Variants in MIA3 observed in about 807,000 individuals in gnomAD.
The protein encoded by MIA3 is MIA SH3 domain ER export factor 3.
A neutral mutation model predicts 192.4 loss-of-function variants in MIA3; 90 were observed. The observed-to-expected ratio is 0.47, with a 90% CI of 0.39 to 0.56. MIA3 has a LOEUF of 0.56. MIA3 is among the 20% of genes least tolerant of loss of function. The pLI, the probability that MIA3 is intolerant of heterozygous loss-of-function variation, is 0.00. For missense variants in MIA3, 2,123 were observed against 2,269.4 expected, an observed-to-expected ratio of 0.94 and a Z score of 1.31; for synonymous variants, 740 against 792.8, an observed-to-expected ratio of 0.93 and a Z score of 1.12.
At chr1:222,622,760 G>A (rs551000066) in intron 2 of MIA3, among the ~76,000 whole-genome samples, 2 of 152,202 alleles carry the variant, frequency 1.3e-5, no homozygotes, top group South Asian at 2.1e-4. Context: ...TCATCTTTGA[G>A]CATTTGGATG....
In MIA3 at chr1:222,621,269, T is replaced by C. The variant is rs1661842680; in HGVS notation, c.244T>C (p.Trp82Arg). 6.2e-7 allele frequency: 1 copy of C among 1,605,536 alleles called. No individual in the cohort carries two copies. Among genetic ancestry groups the C allele is most frequent in the Non-Finnish European group, 8.5e-7 (1 of 1,177,978 alleles). ...VYVYYKLARG[W>R]PEVWAGSVGR... Reference sequence around the variant, plus strand: ...TGTTTACTATAAACTGGCAAGAGGATGGCCTGAAGTTTGGGCTGGAAGTGT... The same window carrying C: ...TGTTTACTATAAACTGGCAAGAGGACGGCCTGAAGTTTGGGCTGGAAGTGT... Residue 82 changes from tryptophan to arginine, a missense_variant, in exon 2 of 28, where the codon TGG (tryptophan) becomes CGG (arginine). Trp to Arg is a moderately radical substitution (Grantham distance 101). This residue lies in a region of MIA3 where 1,357 missense variants were observed against 1,396.1 expected (regional missense o/e 0.97). Transcript: ENST00000344922.
chr1:222,645,845 T>G (rs1663112150), intron 7 of MIA3, 160 bp downstream of exon 7: 1 of 627,550 alleles, frequency 1.6e-6, no homozygotes, highest in African/African-American at 1.9e-5. Flanking sequence ...TGTTGGTAAA[T>G]TCTTAAGTGA....
chr1:222,660,276 C>G lies in MIA3; in HGVS notation c.5075C>G (p.Ala1692Gly). The stretch of plus-strand genomic sequence containing the variant: ...GAGCCACCCGTGAGACCTCTCTCTG[C>G]TACTCTCAATCGAAGAGATATGCCT... ...TVEPPVRPLSATLNRRDMPRS... is the reference protein window; with the variant it reads ...TVEPPVRPLSGTLNRRDMPRS... Residue 1692 changes from alanine to glycine, a missense_variant, in exon 24 of 28, where the codon GCT (alanine) becomes GGT (glycine). Ala to Gly is a moderately conservative substitution (Grantham distance 60). This residue lies in a region of MIA3 where 762 missense variants were observed against 856.4 expected (regional missense o/e 0.89). Coordinates refer to ENST00000344922, the MANE Select transcript of MIA3 (RefSeq NM_198551.4). 6.2e-7 allele frequency: 1 copy of G among 1,613,980 alleles called. No homozygotes were observed. The highest frequency in any genetic ancestry group is 8.5e-7 in the Non-Finnish European group (1 of 1,179,870).
chr1:222,655,719 TAAA>T (rs1160173871), intron 18 of MIA3, among the ~76,000 whole-genome samples: 2 of 152,166 alleles, frequency 1.3e-5, no homozygotes, highest in African/African-American at 4.8e-5. Flanking sequence ...CATTACTTTT[TAAA>T]AAAGAGCACT....
chr1:222,629,620 C>A lies in MIA3; in HGVS notation c.2400C>A (p.Asn800Lys). The A allele has an allele frequency of 6.2e-7, 1 of 1,614,062 alleles. No individual in the cohort carries two copies. The highest frequency in any genetic ancestry group is 8.5e-7 in the Non-Finnish European group (1 of 1,179,974). ...KTSETAAKGV[N>K]TGGREPNTMV... ...GTGAGACTGCTGCCAAAGGGGTCAA[C>A]ACAGGAGGCAGGGAACCAAATACAA... Residue 800 changes from asparagine (N) to lysine (K), a missense_variant, in exon 4 of 28, where the codon AAC (asparagine) becomes AAA (lysine). Coordinates refer to ENST00000344922, the MANE Select transcript of MIA3 (RefSeq NM_198551.4).
At chr1:222,654,210 A>C (rs1369387945) in intron 15 of MIA3, 33 bp from the exon 16 acceptor site, 2 of 1,601,068 alleles carry the variant, frequency 1.2e-6, no homozygotes, top group African/African-American at 2.7e-5. Context: ...CAAGGGAAGA[A>C]AAAGCAATGA....
intron 27 of MIA3, among the ~76,000 whole-genome samples, chr1:222,664,373 T>C (rs1664175058): frequency 6.6e-6 from 1 of 152,218 alleles, no homozygotes; most frequent in South Asian, 2.1e-4. Flanking sequence ...AAAGGGGCTA[T>C]TTATAAAAAG....
rs77586929 is a variant in MIA3, at chr1:222,626,242, G to A, written c.355-1333G>A. Among the ~76,000 whole-genome samples, 1,092 of 152,246 alleles carry A rather than the reference G, an allele frequency of 7.2e-3. 7 individuals carry two copies. The highest frequency in any genetic ancestry group is 0.013 in the Non-Finnish European group (864 of 68,020). On this transcript the variant is annotated intron_variant, in intron 3 of 27. Coordinates refer to ENST00000344922, the MANE Select transcript of MIA3 (RefSeq NM_198551.4). ...ATTGCTATGCTTAAAATTTCTCGAC[G>A]CTCTCAGGGGTTATATAGTCAATCG... is the stretch of plus-strand genomic sequence containing the variant.
Position 222,628,114 on chromosome 1 carries a change from A to C in MIA3, c.894A>C (p.Ser298=). 6.2e-7 allele frequency: 1 copy of C among 1,614,022 alleles called. No individual in the cohort carries two copies. Among genetic ancestry groups the C allele is most frequent in the Non-Finnish European group, 8.5e-7 (1 of 1,180,034 alleles). The part of the protein sequence containing the change: ...SDDETTRLVT[S]LEDDFDEELD... ...ATGAGACAACCAGACTCGTTACTTC[A>C]TTAGAAGATGATTTTGATGAGGAAT... Residue 298 remains serine, a synonymous_variant, in exon 4 of 28, where the codon TCA becomes TCC. Transcript: ENST00000344922.
chr1:222,665,880 A>G lies in MIA3; in HGVS notation c.*261A>G. The G allele has an allele frequency of 3.0e-6, 1 of 330,134 alleles. No homozygotes were observed. Among genetic ancestry groups the G allele is most frequent in the East Asian group, 4.9e-5 (1 of 20,380 alleles). The allele number at this position is 330,134 out of a possible 1,614,324, so 20.5% of individuals were successfully genotyped here. A position where few individuals can be genotyped will look rare whatever the true frequency, so the allele number is the denominator to read the frequency against. ...AGAATACCTGTGTTTTAGCTAATGTAGCATATGTAATTGCAAAATGATTTA... is the reference window on the plus strand; with the variant it reads ...AGAATACCTGTGTTTTAGCTAATGTGGCATATGTAATTGCAAAATGATTTA... On this transcript the variant is annotated 3_prime_UTR_variant, in exon 28 of 28. Transcript: ENST00000344922.
intron 26 of MIA3, chr1:222,662,588 T>C (rs3008629): frequency 0.17 from 151,154 of 877,554 alleles, 14,399 homozygotes; most frequent in Admixed American, 0.35. Context: ...ATATTGATCT[T>C]ACTTTTATCC....
chr1:222,644,232 G>C (rs1406812419), intron 6 of MIA3: 4 of 1,271,278 alleles, frequency 3.1e-6, no homozygotes, highest in Non-Finnish European at 2.0e-6. Flanking sequence ...AGTTGGTTCC[G>C]TCCGCTCTGG....
chr1:222,660,487 G>T, intron 24 of MIA3, 173 bp downstream of exon 24: 2 of 489,150 alleles, frequency 4.1e-6, no homozygotes, highest in South Asian at 4.4e-5. Flanking sequence ...ATTTGCTTTA[G>T]AACAGAAGGC....
intron 24 of MIA3, 142 bp from the exon 25 acceptor site, chr1:222,661,914 A>T (rs1306212167): frequency 1.6e-6 from 1 of 637,150 alleles, no homozygotes; most frequent in African/African-American, 1.8e-5. Context: ...CCGTGCATAA[A>T]TTGTAAGTGA....
chr1:222,618,147 G>T lies in MIA3; in HGVS notation c.37G>T (p.Val13Leu). The change falls in exon 1 of 28, where the codon GTG becomes TTG. Residue 13 changes from valine (V) to leucine (L), a missense_variant. Val to Leu is a conservative substitution (Grantham distance 32, BLOSUM62 1). Coordinates refer to ENST00000344922, the MANE Select transcript of MIA3 (RefSeq NM_198551.4). The part of the protein sequence containing the change: ...AAPGLLVWLL[V>L]LRLPWRVPGQ... ...GCCTGGGCTGCTCGTCTGGCTGCTC[G>T]TGCTCCGGCTGCCCTGGCGGGTGCC... 6.6e-7 allele frequency: 1 copy of T among 1,506,776 alleles called. No homozygotes were observed. The highest frequency in any genetic ancestry group is 8.9e-7 in the Non-Finnish European group (1 of 1,129,160). 93.3% of individuals were successfully genotyped at this position (1,506,776 alleles called of 1,614,324 possible).
Position 222,654,639 on chromosome 1 carries a change from G to C in MIA3, c.4469-16G>C. 2 of 1,612,976 alleles carry C rather than the reference G, an allele frequency of 1.2e-6. No individual in the cohort carries two copies. Among genetic ancestry groups the C allele is most frequent in the Non-Finnish European group, 1.7e-6 (2 of 1,179,540 alleles). ...TTGTGCACACATATGGAACTCAAATGTTTTATCCTTTACAGACCAGGTAAA... is the reference window on the plus strand; with the variant it reads ...TTGTGCACACATATGGAACTCAAATCTTTTATCCTTTACAGACCAGGTAAA... On this transcript the variant is annotated splice_polypyrimidine_tract_variant and intron_variant, in intron 17 of 27. Transcript: ENST00000344922.
Position 222,618,207 on chromosome 1 carries a change from T to C in MIA3, c.97T>C (p.Ser33Pro). 1 of 1,494,340 alleles carries C rather than the reference T, an allele frequency of 6.7e-7. No individual in the cohort carries two copies. Among genetic ancestry groups the C allele is most frequent in the Non-Finnish European group, 8.9e-7 (1 of 1,118,870 alleles). 92.6% of individuals were successfully genotyped at this position (1,494,340 alleles called of 1,614,324 possible). Residue 33 changes from serine to proline, a missense_variant, in exon 1 of 28, where the codon TCG (serine) becomes CCG (proline). Physicochemically the swap from Ser to Pro is moderately conservative, Grantham distance 74. Around this residue, in one of 3 missense-constraint regions of MIA3, gnomAD observed 1,357 missense variants for 1,396.1 expected, o/e 0.97. Transcript: ENST00000344922. ...QLDPSTGRRF[S>P]EHKLCADDEC... ...GGACCCCAGCACTGGCCGGCGGTTC[T>C]CGGAGCACAAACTCTGCGCGGACGA...
intron 6 of MIA3, among the ~76,000 whole-genome samples, chr1:222,638,086 ACAT>A (rs1338786067): frequency 6.6e-6 from 1 of 152,174 alleles, no homozygotes; most frequent in South Asian, 2.1e-4. Context: ...GAAGTTATGA[ACAT>A]CATCATTAAC....
rs1372095396 is a variant in MIA3 at position 222,664,137 on chromosome 1, C to A, written c.5402C>A (p.Pro1801His). 10 of 1,614,058 alleles carry A rather than the reference C, an allele frequency of 6.2e-6. No individual in the cohort carries two copies. The highest frequency in any genetic ancestry group is 8.5e-6 in the Non-Finnish European group (10 of 1,180,020). ...LCGPFGPRPL[P>H]PPFGPGMRPP... ...GGACCTTTTGGGCCTCGGCCACTTC[C>A]TCCACCCTTTGGTAAGATGATCTGA... The change falls in exon 27 of 28, where the codon CCT becomes CAT. Residue 1801 changes from proline to histidine, a missense_variant. By Grantham distance (77) the Pro-to-His change is moderately conservative. Coordinates refer to ENST00000344922, the MANE Select transcript of MIA3 (RefSeq NM_198551.4).
Sources: gnomAD v4.1 joint callset for allele counts (sites outside exome capture counted in the v4.1 genomes callset) on GRCh38, gnomAD v4.1.1 for gene constraint, gnomAD v4.1.1 regional missense constraint, MANE v1.5 for transcripts, NCBI Gene and HGNC (gene_info 2026-07-23, HGNC 2026-07-21) for gene names.